Variants in ITGAM observed in about 807,000 individuals in gnomAD.
ITGAM encodes integrin alpha-M.
ITGAM carries 79 observed loss-of-function variants against 137.5 expected under a neutral mutation model. The ratio of observed to expected loss-of-function variants is 0.57; its 90% confidence interval spans 0.48 to 0.69. The LOEUF (loss-of-function observed/expected upper bound fraction) is 0.69, where lower values mean the gene tolerates loss of function less well. Among genes scored for constraint, ITGAM ranks in the 30% least tolerant of loss-of-function variants. The probability of loss-of-function intolerance (pLI) is 0.00; values close to 1 mark genes in which losing one functional copy is unlikely to be tolerated. For synonymous variants in ITGAM, 583 were observed against 592.3 expected, an observed-to-expected ratio of 0.98 and a Z score of 0.23; for missense variants, 1,343 against 1,483.5, an observed-to-expected ratio of 0.91 and a Z score of 1.56.
At chr16:31,299,109 T>C (rs1415750159) in intron 14 of ITGAM, among the ~76,000 whole-genome samples, 1 of 152,202 alleles carries the variant, frequency 6.6e-6, no homozygotes, top group East Asian at 1.9e-4. Flanking sequence ...TAAGGGCACT[T>C]AACATGAGAC....
At chr16:31,267,004 A>G (rs980137192) in intron 5 of ITGAM, among the ~76,000 whole-genome samples, 2 of 151,684 alleles carry the variant, frequency 1.3e-5, no homozygotes, top group African/African-American at 4.8e-5. Flanking sequence ...AGTAGCTGGG[A>G]TTACAGGTGC....
intron 8 of ITGAM, among the ~76,000 whole-genome samples, chr16:31,274,632 T>A (rs1398414167): frequency 1.5e-5 from 2 of 134,680 alleles, no homozygotes; most frequent in Non-Finnish European, 3.0e-5. Flanking sequence ...TTATTTATTT[T>A]GAGACTGAGT....
At chr16:31,290,435 A>C (rs1384062519) in intron 12 of ITGAM, among the ~76,000 whole-genome samples, 2 of 152,244 alleles carry the variant, frequency 1.3e-5, no homozygotes, top group African/African-American at 4.8e-5. Flanking sequence ...AGCTACTTTG[A>C]AGAAAACAAT....
At chr16:31,330,240 G>A (rs2080562309) in intron 26 of ITGAM, 68 bp from the exon 27 acceptor site, 1 of 1,589,314 alleles carries the variant, frequency 6.3e-7, no homozygotes. Context: ...TGGTCTCTGA[G>A]CAAACGGGGA....
rs2080512122 is a variant in ITGAM, at chr16:31,326,769, T to C, written c.2629-87T>C. 5.4e-6 allele frequency: 5 copies of C among 927,472 alleles called. No homozygotes were observed. In the Admixed American group the frequency reaches 5.4e-5, roughly 10 times the overall value. The allele number at this position is 927,472 out of a possible 1,614,324, so 57.5% of individuals were successfully genotyped here. A position where few individuals can be genotyped will look rare whatever the true frequency, so the allele number is the denominator to read the frequency against. On this transcript the variant is annotated intron_variant, in intron 21 of 29. Transcript: ENST00000544665. ...ATCCTGTTGCATGGATGGGCCATATTTCATGTCTCCATTAATCAGATGACG... is the reference window on the plus strand; with the variant it reads ...ATCCTGTTGCATGGATGGGCCATATCTCATGTCTCCATTAATCAGATGACG...
intron 14 of ITGAM, 67 bp from the exon 15 acceptor site, chr16:31,321,174 T>C: frequency 6.4e-7 from 1 of 1,574,316 alleles, no homozygotes; most frequent in South Asian, 1.1e-5. Context: ...CCATGCTGGA[T>C]GACTGAGTTA....
At chr16:31,311,065 A>G (rs1296077012) in intron 14 of ITGAM, among the ~76,000 whole-genome samples, 2 of 152,156 alleles carry the variant, frequency 1.3e-5, no homozygotes, top group African/African-American at 4.8e-5. Flanking sequence ...TGGTGCTGGG[A>G]AAACTGGCTG....
chr16:31,324,866 T>A lies in ITGAM; in HGVS notation c.2289+84T>A. On this transcript the variant is annotated intron_variant, in intron 18 of 29. Coordinates refer to ENST00000544665, the MANE Select transcript of ITGAM (RefSeq NM_000632.4). This position sits in a 1 kb window ranked among gnomAD's most constrained non-coding sequence, Gnocchi z 4.5. ...GAAACTCATTTTATTTGATTGCATCTAATTTTACTTCAACATTTGATTTTA... is the reference window on the plus strand; with the variant it reads ...GAAACTCATTTTATTTGATTGCATCAAATTTTACTTCAACATTTGATTTTA... 6.5e-7 allele frequency: 1 copy of A among 1,545,868 alleles called. No homozygotes were observed. The highest frequency in any genetic ancestry group is 8.8e-7 in the Non-Finnish European group (1 of 1,138,424).
At chr16:31,307,647 G>T (rs1366201770) in intron 14 of ITGAM, among the ~76,000 whole-genome samples, 1 of 151,976 alleles carries the variant, frequency 6.6e-6, no homozygotes, top group Non-Finnish European at 1.5e-5. Context: ...ATTCCCTTCT[G>T]CTGCCTGATT....
At chr16:31,294,801 C>T (rs1055655532) in intron 12 of ITGAM, among the ~76,000 whole-genome samples, 3 of 152,058 alleles carry the variant, frequency 2.0e-5, no homozygotes, top group Non-Finnish European at 4.4e-5. Context: ...TTCTCAGAAG[C>T]TTGATTGTCA....
chr16:31,290,805 C>T (rs1483313549), intron 12 of ITGAM, among the ~76,000 whole-genome samples: 1 of 151,924 alleles, frequency 6.6e-6, no homozygotes, highest in East Asian at 1.9e-4. Flanking sequence ...TCTCTATTTG[C>T]AGATGATACA....
intron 14 of ITGAM, among the ~76,000 whole-genome samples, chr16:31,306,508 CTTT>C (rs1157246212): frequency 2.1e-5 from 3 of 142,304 alleles, no homozygotes; most frequent in Admixed American, 7.1e-5. Flanking sequence ...GCAAGGTACT[CTTT>C]TTTTTTTTTT....
intron 14 of ITGAM, among the ~76,000 whole-genome samples, chr16:31,317,560 G>A (rs2080405336): frequency 6.6e-6 from 1 of 152,174 alleles, no homozygotes; most frequent in Non-Finnish European, 1.5e-5. Context: ...TCAGAACTAT[G>A]AGAAATAAAT....
intron 14 of ITGAM, among the ~76,000 whole-genome samples, chr16:31,304,243 A>G (rs550685677): frequency 1.1e-4 from 16 of 151,920 alleles, no homozygotes; most frequent in Non-Finnish European, 1.6e-4. Context: ...TCATATGTTT[A>G]TCGGCCATTT....
rs1013597988 is a variant in ITGAM at position 31,290,843 on chromosome 16, T to TA, written c.1357-6665dup. Among the ~76,000 whole-genome samples, 30 of 152,234 alleles carry TA rather than the reference T, an allele frequency of 2.0e-4. 1 individual carries two copies. Among genetic ancestry groups the TA allele is most frequent in the African/African-American group, 6.7e-4 (28 of 41,566 alleles). ...TGCATGGAAAATTCCAAAGAACCTA[T>TA]AAAAAAGCTATGATAATAGGTTTTT... On this transcript the variant is annotated intron_variant, in intron 12 of 29. Transcript: ENST00000544665.
Position 31,267,911 on chromosome 16 carries a change from T to G in ITGAM, c.427+1764T>G, listed in dbSNP as rs189427254. On this transcript the variant is annotated intron_variant, in intron 5 of 29. Transcript: ENST00000544665. ...TTCCCACCTCAGCCTCCCACAGTGC[T>G]GGGATCACAGGTGTGAGCCACTGCG... Among the ~76,000 whole-genome samples the G allele has an allele frequency of 6.9e-3, 1,045 of 152,324 alleles. 3 individuals carry two copies. The highest frequency in any genetic ancestry group is 0.017 in the Middle Eastern group (5 of 294).
Position 31,330,400 on chromosome 16 carries a change from C to G in ITGAM, c.3153C>G (p.Leu1051=). The G allele has an allele frequency of 6.2e-7, 1 of 1,613,528 alleles. No individual in the cohort carries two copies. The highest frequency in any genetic ancestry group is 8.5e-7 in the Non-Finnish European group (1 of 1,179,396). ...TCAATGCTACCCTCAAAGGCAACCT[C>G]TCGTTTGACTGGTACATCAAGGTGT... ...EEFNATLKGN[L]SFDWYIKTSH... The change falls in exon 27 of 30, where the codon CTC becomes CTG. Residue 1051 remains leucine (L), a synonymous_variant. Coordinates refer to ENST00000544665, the MANE Select transcript of ITGAM (RefSeq NM_000632.4).
intron 12 of ITGAM, among the ~76,000 whole-genome samples, chr16:31,291,889 T>C (rs1446797986): frequency 1.3e-5 from 2 of 152,068 alleles, no homozygotes; most frequent in Non-Finnish European, 1.5e-5. Context: ...GTAGGGTGAC[T>C]ATAGTTAACA....
At chr16:31,265,065 C>T (rs1192552098) in intron 2 of ITGAM, among the ~76,000 whole-genome samples, 1 of 151,900 alleles carries the variant, frequency 6.6e-6, no homozygotes, top group Non-Finnish European at 1.5e-5. Context: ...GGCGGGGTTT[C>T]ACCATGTTGC....
Sources: allele counts gnomAD v4.1 joint callset (sites outside exome capture counted in the v4.1 genomes callset), GRCh38; gene constraint gnomAD v4.1.1; non-coding constraint Gnocchi (gnomAD v3.1); transcripts MANE v1.5; gene names NCBI Gene and HGNC (gene_info 2026-07-23, HGNC 2026-07-21).